KHDC1: variants seen among roughly 807,000 people sequenced by gnomAD.
KHDC1 encodes KH homology domain-containing protein 1.
Under a neutral mutation model 24.7 loss-of-function variants are expected in KHDC1, and 21 were observed. The ratio of observed to expected loss-of-function variants is 0.85; its 90% CI spans 0.60 to 1.23. The LOEUF is 1.23. KHDC1 is among the 50% of genes most tolerant of loss of function. KHDC1 has a pLI of 0.00. For missense variants in KHDC1, 274 were observed against 298.5 expected, an observed-to-expected ratio of 0.92 and a Z score of 0.61; for synonymous variants, 98 against 111.7, an observed-to-expected ratio of 0.88 and a Z score of 0.77.
chr6:73,275,049 C>G (rs1767255782), intron 2 of KHDC1: 1 of 152,386 alleles, frequency 6.6e-6, no homozygotes, highest in African/African-American at 2.4e-5. Flanking sequence ...GGGATTCTCT[C>G]TAATTTCAGA....
At chr6:73,242,655 G>T (rs918973478) in intron 2 of KHDC1, 125 bp from the exon 2 acceptor site, 3 of 1,115,380 alleles carry the variant, frequency 2.7e-6, no homozygotes, top group Non-Finnish European at 3.8e-6. Context: ...ACCTTAGGGT[G>T]GGTGTACAAT....
intron 2 of KHDC1, among the ~76,000 whole-genome samples, chr6:73,282,816 G>A (rs1203227709): frequency 1.3e-5 from 2 of 152,084 alleles, no homozygotes; most frequent in South Asian, 4.2e-4. Context: ...ATCAACACTC[G>A]ACACACTGTC....
intron 1 of KHDC1, among the ~76,000 whole-genome samples, chr6:73,307,273 T>C (rs1287214091): frequency 6.6e-6 from 1 of 151,116 alleles, no homozygotes; most frequent in Admixed American, 6.6e-5. Context: ...ATTAAAAATA[T>C]AAAAATTAGC....
intron 2 of KHDC1, among the ~76,000 whole-genome samples, chr6:73,282,082 G>T (rs2150678298): frequency 6.6e-6 from 1 of 151,630 alleles, no homozygotes; most frequent in South Asian, 2.1e-4. Flanking sequence ...GCCGGGCGTG[G>T]TGGCATGCGC....
At chr6:73,261,311 C>T (rs1482454982) in intron 2 of KHDC1, among the ~76,000 whole-genome samples, 7 of 151,606 alleles carry the variant, frequency 4.6e-5, no homozygotes, top group Admixed American at 1.3e-4. Context: ...GGCATGGTGG[C>T]GCATGCCTGT....
rs60179008 is a variant in KHDC1 at position 73,289,333 on chromosome 6, CAAAAAAAAAAA to C, written c.206+2654_206+2664del. 7.2e-3 allele frequency among the ~76,000 whole-genome samples: 451 copies of C among 62,674 alleles called. 3 individuals carry two copies. Among genetic ancestry groups the C allele is most frequent in the Non-Finnish European group, 0.01 (348 of 34,738 alleles). The allele number at this position is 62,674 out of a possible 152,430, so 41.1% of individuals were successfully genotyped here. A position where few individuals can be genotyped will look rare whatever the true frequency, so the allele number is the denominator to read the frequency against. The stretch of plus-strand genomic sequence containing the variant: ...TGGGCGACAGAGTGAGACTCCATCT[CAAAAAAAAAAA>C]AAAAAAAAAAAAAAAGAATAAAATC... On this transcript the variant is annotated intron_variant, in intron 2 of 4. Transcript: ENST00000370384.
At chr6:73,246,514 C>G (rs551009765) in intron 2 of KHDC1, among the ~76,000 whole-genome samples, 56 of 152,228 alleles carry the variant, frequency 3.7e-4, no homozygotes, top group African/African-American at 1.1e-3. Context: ...AGAGTTGTCA[C>G]GAGAATTAAG....
chr6:73,261,794 C>G (rs1401560607), intron 2 of KHDC1, among the ~76,000 whole-genome samples: 1 of 152,046 alleles, frequency 6.6e-6, no homozygotes, highest in Non-Finnish European at 1.5e-5. Context: ...CACCTGTAAT[C>G]CCAGCTACTC....
intron 2 of KHDC1, among the ~76,000 whole-genome samples, chr6:73,287,101 T>C (rs893265478): frequency 6.6e-6 from 1 of 152,126 alleles, no homozygotes; most frequent in African/African-American, 2.4e-5. Context: ...CGGCAAATAG[T>C]TGGAAAATCC....
intron 2 of KHDC1, among the ~76,000 whole-genome samples, chr6:73,245,273 G>C (rs1420807575): frequency 6.6e-6 from 1 of 152,190 alleles, no homozygotes; most frequent in Non-Finnish European, 1.5e-5. Context: ...AGAATCCTCA[G>C]TTTATGATTC....
At chr6:73,309,879 G>T in exon 1 of KHDC1, 1 of 725,968 alleles carries the variant, frequency 1.4e-6, no homozygotes, top group Non-Finnish European at 2.2e-6. Flanking sequence ...AACCCAGACT[G>T]GACCAATGCA....
chr6:73,302,252 G>A (rs1247585984), intron 1 of KHDC1, among the ~76,000 whole-genome samples: 2 of 152,144 alleles, frequency 1.3e-5, no homozygotes, highest in African/African-American at 4.8e-5. Flanking sequence ...TCGTGCCATT[G>A]CACTCCAGCC....
At chr6:73,247,855 CAAAAAAAA>C (rs60650206) in intron 2 of KHDC1, among the ~76,000 whole-genome samples, 9 of 89,554 alleles carry the variant, frequency 1.0e-4, no homozygotes, top group South Asian at 7.8e-4. Flanking sequence ...GACTCTGTCT[CAAAAAAAA>C]AAAAAAAAAA....
chr6:73,307,020 T>C (rs554444991), intron 1 of KHDC1, among the ~76,000 whole-genome samples: 1 of 151,862 alleles, frequency 6.6e-6, no homozygotes, highest in African/African-American at 2.4e-5. Flanking sequence ...AAAATAAAAC[T>C]TTCACTTAAA....
chr6:73,289,971 G>T (rs1381174483), intron 2 of KHDC1, among the ~76,000 whole-genome samples: 7 of 150,996 alleles, frequency 4.6e-5, no homozygotes, highest in Non-Finnish European at 8.9e-5. Context: ...GCGGTGGCGG[G>T]CGCCTGTAGT....
intron 1 of KHDC1, chr6:73,309,413 C>T: frequency 1.3e-6 from 1 of 797,254 alleles, no homozygotes. Flanking sequence ...TTTTTTTTAA[C>T]ATGGTGATTT....
chr6:73,262,932 A>C (rs1767007409), intron 2 of KHDC1: 1 of 988,866 alleles, frequency 1.0e-6, no homozygotes, highest in African/African-American at 1.7e-5. Flanking sequence ...CACCGGACTA[A>C]CCGAGTTCGA....
At chr6:73,250,805 T>C (rs771206306) in intron 2 of KHDC1, among the ~76,000 whole-genome samples, 5 of 152,226 alleles carry the variant, frequency 3.3e-5, no homozygotes, top group Non-Finnish European at 7.3e-5. Flanking sequence ...ATTATTTTCA[T>C]TCATAAGCAC....
intron 2 of KHDC1, 76 bp from the exon 2 acceptor site, chr6:73,242,606 G>T (rs898368456): frequency 2.5e-6 from 4 of 1,588,410 alleles, no homozygotes; most frequent in African/African-American, 1.3e-5. Context: ...CCTAGGCTCT[G>T]TCCTTAACAT....
Sources: gnomAD v4.1 joint callset for allele counts (sites outside exome capture counted in the v4.1 genomes callset) on GRCh38, gnomAD v4.1.1 for gene constraint, MANE v1.5 for transcripts, NCBI Gene and HGNC (gene_info 2026-07-23, HGNC 2026-07-21) for gene names.